The following B3GALT1 variants were observed in gnomAD, a reference collection of about 807,000 sequenced individuals.
B3GALT1 encodes the protein UDP-Gal:betaGlcNAc beta 1,3-galactosyltransferase, polypeptide 1.
In B3GALT1, 10 loss-of-function variants were observed where a neutral mutation model predicts 23.2. That is an observed-to-expected ratio of 0.43 (90% CI 0.27 to 0.73). The LOEUF (loss-of-function observed/expected upper bound fraction) is 0.73, where lower values mean the gene tolerates loss of function less well. Ranked by LOEUF, B3GALT1 falls within the 30% of genes least tolerant of loss-of-function variation. B3GALT1 has a pLI of 0.21. For synonymous variants in B3GALT1, 156 were observed against 141.5 expected (o/e 1.10, Z -0.73); for missense variants, 299 against 405.4 (o/e 0.74, Z 2.25).
At chr2:167,683,666 A>C (rs1335680880) in intron 3 of B3GALT1, among the ~76,000 whole-genome samples, 5 of 152,138 alleles carry the variant, frequency 3.3e-5, no homozygotes, top group African/African-American at 1.2e-4. Context: ...GGCTGTGGTG[A>C]GCCGTGATTG....
chr2:167,666,320 T>G (rs1433905178), intron 3 of B3GALT1, among the ~76,000 whole-genome samples: 1 of 152,230 alleles, frequency 6.6e-6, no homozygotes, highest in Non-Finnish European at 1.5e-5. Flanking sequence ...AAAGACAGTT[T>G]GTTATAATTT....
At chr2:167,336,069 G>C (rs1697053892) in intron 1 of B3GALT1, among the ~76,000 whole-genome samples, 1 of 151,972 alleles carries the variant, frequency 6.6e-6, no homozygotes, top group Admixed American at 6.6e-5. Flanking sequence ...CTCAATTATG[G>C]TTGTCAGATA....
chr2:167,320,227 T>C (rs932834445), intron 1 of B3GALT1, among the ~76,000 whole-genome samples: 5 of 151,068 alleles, frequency 3.3e-5, no homozygotes, highest in African/African-American at 1.2e-4. Flanking sequence ...TCTTGCTCTA[T>C]CACCCAGCCT....
intron 1 of B3GALT1, among the ~76,000 whole-genome samples, chr2:167,392,211 A>G (rs1207027446): frequency 2.0e-5 from 3 of 151,984 alleles, no homozygotes; most frequent in Admixed American, 1.3e-4. Context: ...AATCGTTTCT[A>G]TAAACTTTTA....
intron 1 of B3GALT1, among the ~76,000 whole-genome samples, chr2:167,317,971 A>G (rs181495184): frequency 3.9e-5 from 6 of 152,214 alleles, no homozygotes; most frequent in African/African-American, 1.4e-4. Flanking sequence ...AGTTATACCC[A>G]ATACCAAAAT....
At chr2:167,669,571 A>G (rs993654873) in intron 3 of B3GALT1, among the ~76,000 whole-genome samples, 3 of 139,666 alleles carry the variant, frequency 2.1e-5, no homozygotes, top group Non-Finnish European at 3.3e-5. Flanking sequence ...GGAAAATATC[A>G]ATCATTAAAT....
intron 1 of B3GALT1, among the ~76,000 whole-genome samples, chr2:167,374,315 G>A (rs556803933): frequency 3.3e-5 from 5 of 152,300 alleles, no homozygotes; most frequent in Admixed American, 6.5e-5. Flanking sequence ...ATAGTTCTGC[G>A]ATGAACATGC....
chr2:167,443,800 A>G (rs1462006051), intron 1 of B3GALT1, among the ~76,000 whole-genome samples: 2 of 152,342 alleles, frequency 1.3e-5, no homozygotes, highest in South Asian at 2.1e-4. Flanking sequence ...ATATACAATC[A>G]TGTCATCTGT....
intron 1 of B3GALT1, among the ~76,000 whole-genome samples, chr2:167,300,920 A>G (rs974622888): frequency 6.6e-6 from 1 of 152,230 alleles, no homozygotes; most frequent in African/African-American, 2.4e-5. Context: ...GAGGAAGTAC[A>G]TTCAACATCA....
At chr2:167,440,999 A>C (rs1308644417) in intron 1 of B3GALT1, among the ~76,000 whole-genome samples, 7 of 152,296 alleles carry the variant, frequency 4.6e-5, no homozygotes, top group Non-Finnish European at 1.0e-4. Context: ...TGATATTATA[A>C]AGAATAGAGT....
intron 1 of B3GALT1, among the ~76,000 whole-genome samples, chr2:167,426,580 G>A (rs1698626966): frequency 6.6e-6 from 1 of 152,124 alleles, no homozygotes; most frequent in African/African-American, 2.4e-5. Context: ...AATGGACACA[G>A]TGAAGAAGTG....
rs116052186 is a variant in B3GALT1 at position 167,373,951 on chromosome 2, C to T, written c.-511+80617C>T. On this transcript the variant is annotated intron_variant, in intron 1 of 4. Transcript: ENST00000392690. ...TAGAAGTTTAAGGTGCAAATTATCC[C>T]GTCACCCAGATACTGAACATAGTAC... Among the ~76,000 whole-genome samples, 829 of 152,242 alleles carry T rather than the reference C, an allele frequency of 5.4e-3. 5 individuals are homozygous for T. The highest frequency in any genetic ancestry group is 0.018 in the African/African-American group (768 of 41,542).
At chr2:167,371,366 A>T (rs1697681883) in intron 1 of B3GALT1, among the ~76,000 whole-genome samples, 1 of 152,190 alleles carries the variant, frequency 6.6e-6, no homozygotes, top group South Asian at 2.1e-4. Flanking sequence ...TATATTGCTA[A>T]AATGGCAACA....
intron 1 of B3GALT1, among the ~76,000 whole-genome samples, chr2:167,353,453 T>A (rs1055258221): frequency 2.6e-5 from 4 of 151,248 alleles, no homozygotes; most frequent in Non-Finnish European, 4.4e-5. Context: ...CAGTAATCAC[T>A]TTTTTTTTCA....
intron 4 of B3GALT1, among the ~76,000 whole-genome samples, chr2:167,844,279 G>C (rs1689709320): frequency 6.6e-6 from 1 of 152,204 alleles, no homozygotes; most frequent in African/African-American, 2.4e-5. Context: ...GCTCCACACA[G>C]AGCAGCATGC....
At chr2:167,689,175 A>T (rs940358589) in intron 3 of B3GALT1, among the ~76,000 whole-genome samples, 1 of 151,876 alleles carries the variant, frequency 6.6e-6, no homozygotes, top group African/African-American at 2.4e-5. Flanking sequence ...GAAAGCAACA[A>T]CAGGGAAATG....
chr2:167,311,219 A>G (rs567223231), intron 1 of B3GALT1, among the ~76,000 whole-genome samples: 134 of 152,236 alleles, frequency 8.8e-4, no homozygotes, highest in African/African-American at 2.7e-3. Context: ...TATTGTGTAC[A>G]TAGATTTTAA....
At chr2:167,418,290 C>G (rs1270977163) in intron 1 of B3GALT1, among the ~76,000 whole-genome samples, 3 of 152,014 alleles carry the variant, frequency 2.0e-5, no homozygotes, top group Non-Finnish European at 2.9e-5. Context: ...CTTTCACTTT[C>G]TCTTCTTAGA....
At chr2:167,601,848 G>T (rs2105424469) in intron 2 of B3GALT1, among the ~76,000 whole-genome samples, 1 of 152,296 alleles carries the variant, frequency 6.6e-6, no homozygotes, top group South Asian at 2.1e-4. Context: ...GACACACTCA[G>T]CAGTGAACAT....
Sources: gnomAD v4.1 joint callset for allele counts (sites outside exome capture counted in the v4.1 genomes callset) on GRCh38, gnomAD v4.1.1 for gene constraint, MANE v1.5 for transcripts, NCBI Gene and HGNC (gene_info 2026-07-23, HGNC 2026-07-21) for gene names.